The following ADSS2 variants were observed in gnomAD, a reference collection of about 807,000 sequenced individuals.
ADSS2 encodes the protein adenylosuccinate synthase 2.
Under a neutral mutation model 60.0 loss-of-function variants are expected in ADSS2, and 30 were observed. That is an observed-to-expected ratio of 0.50 (90% confidence interval 0.37 to 0.68). ADSS2 has a LOEUF of 0.68. ADSS2 is among the 30% of genes least tolerant of loss of function. The probability of loss-of-function intolerance (pLI) is 0.00; values close to 1 mark genes in which losing one functional copy is unlikely to be tolerated. For missense variants in ADSS2, 373 were observed against 554.8 expected, an observed-to-expected ratio of 0.67 and a Z score of 3.29; for synonymous variants, 187 against 193.1, an observed-to-expected ratio of 0.97 and a Z score of 0.26.
At chr1:244,422,011 G>A (rs1348635379) in intron 7 of ADSS2, among the ~76,000 whole-genome samples, 5 of 152,152 alleles carry the variant, frequency 3.3e-5, no homozygotes, top group African/African-American at 1.2e-4. Context: ...TTGCATAGCT[G>A]AATAAAAAGA....
At chr1:244,432,367 T>C (rs1664964881) in intron 4 of ADSS2, among the ~76,000 whole-genome samples, 178 bp downstream of exon 4, 2 of 152,154 alleles carry the variant, frequency 1.3e-5, no homozygotes, top group Admixed American at 1.3e-4. Context: ...AATTTCAGCC[T>C]AGACTGTTAA....
At chr1:244,449,599 C>A (rs2148018575) in intron 1 of ADSS2, among the ~76,000 whole-genome samples, 1 of 152,290 alleles carries the variant, frequency 6.6e-6, no homozygotes, top group Admixed American at 6.5e-5. Context: ...CAAGGTAAAT[C>A]ACAAAAGAGA....
chr1:244,422,386 G>A (rs146680928), intron 7 of ADSS2, among the ~76,000 whole-genome samples: 59 of 152,318 alleles, frequency 3.9e-4, no homozygotes, highest in African/African-American at 1.4e-3. Context: ...TACCTTATTT[G>A]TCTCTTAAGA....
chr1:244,437,902 A>C, intron 1 of ADSS2, 134 bp from the exon 2 acceptor site: 1 of 682,208 alleles, frequency 1.5e-6, no homozygotes, highest in Non-Finnish European at 2.6e-6. Flanking sequence ...ACCTCTACTC[A>C]TTTGTAAAAG....
intron 4 of ADSS2, among the ~76,000 whole-genome samples, chr1:244,431,539 C>A (rs1664944543): frequency 6.6e-6 from 1 of 152,184 alleles, no homozygotes; most frequent in Non-Finnish European, 1.5e-5. Flanking sequence ...TATCCACTTA[C>A]ACTAACAAAC....
chr1:244,437,089 T>C (rs542558409), intron 2 of ADSS2, among the ~76,000 whole-genome samples, 196 bp from the exon 3 acceptor site: 6 of 152,326 alleles, frequency 3.9e-5, no homozygotes, highest in Admixed American at 2.6e-4. Flanking sequence ...AGCTGAAAAT[T>C]TCTTGAAAAC....
chr1:244,434,742 A>C (rs540179809), intron 3 of ADSS2, among the ~76,000 whole-genome samples: 1 of 152,316 alleles, frequency 6.6e-6, no homozygotes, highest in East Asian at 1.9e-4. Flanking sequence ...AAAGGAGATG[A>C]GAGCAGAGAG....
chr1:244,423,173 A>G (rs1664714088), intron 6 of ADSS2, among the ~76,000 whole-genome samples: 1 of 152,058 alleles, frequency 6.6e-6, no homozygotes, highest in Non-Finnish European at 1.5e-5. Context: ...TAGGGAGGGA[A>G]GAGAAATGGA....
intron 5 of ADSS2, 39 bp from the exon 6 acceptor site, chr1:244,424,099 A>C (rs1664740126): frequency 5.8e-6 from 9 of 1,546,688 alleles, no homozygotes; most frequent in Non-Finnish European, 8.0e-6. Flanking sequence ...GTCAGACAAG[A>C]AAGATGTAGG....
chr1:244,423,699 CAATTCTTAAATAT>C (rs2147996594), intron 6 of ADSS2, among the ~76,000 whole-genome samples: 1 of 152,266 alleles, frequency 6.6e-6, no homozygotes, highest in South Asian at 2.1e-4. Context: ...TTCCATATTT[CAATTCTTAAATAT>C]AACTCTGGCT....
intron 7 of ADSS2, among the ~76,000 whole-genome samples, chr1:244,422,625 C>T (rs1287513928): frequency 6.6e-6 from 1 of 152,228 alleles, no homozygotes; most frequent in Non-Finnish European, 1.5e-5. Context: ...ATGATCTGGA[C>T]TCTGTCTCCT....
rs766201893 is a variant in ADSS2 at position 244,437,780 on chromosome 1, GAT to G, written c.184-14_184-13del. 3 of 1,548,818 alleles carry G rather than the reference GAT, an allele frequency of 1.9e-6. No homozygotes were observed. In the Admixed American group the frequency reaches 5.0e-5, roughly 26 times the overall value. On this transcript the variant is annotated splice_polypyrimidine_tract_variant and intron_variant, in intron 1 of 12. Coordinates refer to ENST00000366535, the MANE Select transcript of ADSS2 (RefSeq NM_001126.5). ...GCATTATTTCCTCCCTAAAATGTAA[GAT>G]AGGGGAAAATTGAGCCTGATGATAA...
chr1:244,420,216 T>A lies in ADSS2; in HGVS notation c.744A>T (p.Lys248Asn). Residue 248 changes from lysine to asparagine, a missense_variant, in exon 8 of 13, where the codon AAA (lysine) becomes AAT (asparagine). By Grantham distance (94) the Lys-to-Asn change is moderately conservative. Coordinates refer to ENST00000366535, the MANE Select transcript of ADSS2 (RefSeq NM_001126.5). The stretch of plus-strand genomic sequence containing the variant: ...CTGCATTTGCACCTTCTACCAAGAT[T>A]TTCTTTGGTGGTCCATGTAGGGCCT... ...LYEALHGPPK[K>N]ILVEGANAAL... The A allele has an allele frequency of 1.2e-6, 2 of 1,613,890 alleles. No individual in the cohort carries two copies. Among genetic ancestry groups the A allele is most frequent in the Non-Finnish European group, 1.7e-6 (2 of 1,179,870 alleles).
intron 4 of ADSS2, among the ~76,000 whole-genome samples, chr1:244,427,788 C>T (rs1664841627): frequency 6.6e-6 from 1 of 152,124 alleles, no homozygotes; most frequent in African/African-American, 2.4e-5. Context: ...AATTTAGCTT[C>T]TGAAGTGTAA....
At chr1:244,425,582 GC>G (rs1322425275) in intron 4 of ADSS2, among the ~76,000 whole-genome samples, 11 of 152,048 alleles carry the variant, frequency 7.2e-5, no homozygotes, top group African/African-American at 2.7e-4. Context: ...GATTAACCCT[GC>G]CCCTAAAACC....
rs371020647 is a variant in ADSS2 at position 244,423,942 on chromosome 1, A to G, written c.581+11T>C. On this transcript the variant is annotated intron_variant, in intron 6 of 12. Transcript: ENST00000366535. Reference sequence around the variant, plus strand: ...ATTCATTCCTTCCATTTTGAAACACAAGTTAGTTACCTCTCAGAGAAGCCA... The same window carrying G: ...ATTCATTCCTTCCATTTTGAAACACGAGTTAGTTACCTCTCAGAGAAGCCA... 1.4e-5 allele frequency: 23 copies of G among 1,594,348 alleles called. No homozygotes were observed. The African/African-American group carries it at 3.1e-4, about 22-fold the overall frequency.
intron 3 of ADSS2, among the ~76,000 whole-genome samples, chr1:244,435,548 T>TCTA (rs1340999026): frequency 2.0e-5 from 3 of 151,978 alleles, no homozygotes; most frequent in Non-Finnish European, 4.4e-5. Context: ...TTCATCCTCC[T>TCTA]CCTCTACCTC....
chr1:244,447,070 A>G (rs1225280703), intron 1 of ADSS2, among the ~76,000 whole-genome samples: 3 of 152,138 alleles, frequency 2.0e-5, no homozygotes, highest in African/African-American at 7.2e-5. Flanking sequence ...TAGCCACAGG[A>G]ACTCCCCTTC....
chr1:244,439,801 T>G (rs1184632041), intron 1 of ADSS2, among the ~76,000 whole-genome samples: 1 of 152,336 alleles, frequency 6.6e-6, no homozygotes, highest in African/African-American at 2.4e-5. Context: ...CTGTGCTGGC[T>G]AGGCTTGCTG....
Sources: allele counts gnomAD v4.1 joint callset (sites outside exome capture counted in the v4.1 genomes callset), GRCh38; gene constraint gnomAD v4.1.1; transcripts MANE v1.5; gene names NCBI Gene and HGNC (gene_info 2026-07-23, HGNC 2026-07-21).